Variants in PACC1 observed in about 807,000 individuals in gnomAD.
PACC1 encodes the protein proton activated chloride channel 1.
In PACC1, 34 loss-of-function variants were observed where a neutral mutation model predicts 39.7. The observed-to-expected ratio is 0.86, with a 90% CI of 0.65 to 1.14. The LOEUF (loss-of-function observed/expected upper bound fraction) is 1.14. Among genes scored for constraint, PACC1 ranks in the 50% most tolerant of loss-of-function variants. The pLI, the probability that PACC1 is intolerant of heterozygous loss-of-function variation, is 0.00. For synonymous variants in PACC1, 127 were observed against 160.6 expected, an observed-to-expected ratio of 0.79 and a Z score of 1.58; for missense variants, 379 against 436.4, an observed-to-expected ratio of 0.87 and a Z score of 1.17.
chr1:212,405,426 T>C (rs528832175), intron 2 of PACC1, among the ~76,000 whole-genome samples: 3 of 152,340 alleles, frequency 2.0e-5, no homozygotes, highest in East Asian at 1.9e-4. Flanking sequence ...CTGTGTTAAC[T>C]GTTACAAAGG....
intron 2 of PACC1, among the ~76,000 whole-genome samples, chr1:212,405,348 G>C (rs1661869846): frequency 6.6e-6 from 1 of 152,208 alleles, no homozygotes; most frequent in Admixed American, 6.5e-5. Flanking sequence ...CACAGAACTT[G>C]TAGGGCAGTG....
intron 2 of PACC1, among the ~76,000 whole-genome samples, chr1:212,389,164 C>A (rs1661212522): frequency 6.6e-6 from 1 of 152,152 alleles, no homozygotes; most frequent in African/African-American, 2.4e-5. Flanking sequence ...ACATGCCAAT[C>A]CCTATAAGGC....
rs892427828 is a variant in PACC1, at chr1:212,364,906, A to G, written c.*309T>C. ...AGTAGAGCTTAACCTAATACAATAC[A>G]ATGAACCAAACAGGAAGAAAGGCAT... is the stretch of plus-strand genomic sequence containing the variant. On this transcript the variant is annotated 3_prime_UTR_variant, in exon 8 of 8. Coordinates refer to ENST00000261455, the MANE Select transcript of PACC1 (RefSeq NM_018252.3). 15 of 174,754 alleles carry G rather than the reference A, an allele frequency of 8.6e-5. No homozygotes were observed. Among genetic ancestry groups the G allele is most frequent in the African/African-American group, 1.4e-4 (6 of 42,164 alleles). The allele number at this position is 174,754 out of a possible 1,614,324, so 10.8% of individuals were successfully genotyped here.
intron 7 of PACC1, among the ~76,000 whole-genome samples, chr1:212,372,105 T>C (rs1159307021): frequency 6.6e-6 from 1 of 151,748 alleles, no homozygotes; most frequent in Non-Finnish European, 1.5e-5. Context: ...GCCAACATGG[T>C]GAAACCTCAT....
intron 7 of PACC1, among the ~76,000 whole-genome samples, chr1:212,366,025 C>T (rs1435509113): frequency 6.6e-6 from 1 of 152,164 alleles, no homozygotes; most frequent in Non-Finnish European, 1.5e-5. Flanking sequence ...GCCTCCAGTC[C>T]TCTGCTCTTT....
At chr1:212,370,858 C>T (rs1660425443) in intron 7 of PACC1, among the ~76,000 whole-genome samples, 1 of 152,088 alleles carries the variant, frequency 6.6e-6, no homozygotes, top group Non-Finnish European at 1.5e-5. Flanking sequence ...AATAAGCTAA[C>T]GATCACCTCA....
chr1:212,382,124 C>T (rs1490524746), intron 4 of PACC1, among the ~76,000 whole-genome samples: 4 of 151,928 alleles, frequency 2.6e-5, no homozygotes, highest in South Asian at 4.2e-4. Context: ...CTGCAAGCTC[C>T]GCCTCCCGGG....
intron 7 of PACC1, among the ~76,000 whole-genome samples, chr1:212,372,294 A>C (rs201650609): frequency 1.2e-4 from 17 of 140,254 alleles, no homozygotes; most frequent in East Asian, 4.1e-4. Context: ...AAAAAAAAAA[A>C]CAAAAAACAA....
rs74138135 is a variant in PACC1 at position 212,385,258 on chromosome 1, G to C, written c.495+16C>G. The C allele has an allele frequency of 1.5e-3, 2,375 of 1,613,670 alleles. 32 individuals carry two copies. The African/African-American group carries it at 0.028, about 19-fold the overall frequency. On this transcript the variant is annotated intron_variant, in intron 4 of 7. Transcript: ENST00000261455. ...AGAGCAGCTGCCCAGACCCAGCTCA[G>C]GCAGACAGGAATTACCACAGTCTGA...
chr1:212,382,893 A>G (rs1382202221), intron 4 of PACC1, among the ~76,000 whole-genome samples: 2 of 152,196 alleles, frequency 1.3e-5, no homozygotes, highest in Non-Finnish European at 2.9e-5. Flanking sequence ...GAGGGCAGCA[A>G]CAGGTTCAAA....
At chr1:212,379,750 G>A in intron 5 of PACC1, 145 bp downstream of exon 5, 2 of 961,382 alleles carry the variant, frequency 2.1e-6, no homozygotes, top group Middle Eastern at 2.9e-4. Context: ...CCAAGCTCAT[G>A]AGGTCCCTTC....
At chr1:212,413,883 T>C (rs1262658805) in intron 1 of PACC1, 12 of 1,528,574 alleles carry the variant, frequency 7.9e-6, no homozygotes, top group Non-Finnish European at 1.0e-5. Context: ...GGACACAAAC[T>C]GGAGGAGGAC....
chr1:212,364,201 C>G lies in PACC1; in HGVS notation c.*1014G>C, dbSNP rs1205599981. 1 of 152,118 alleles carries G rather than the reference C, an allele frequency of 6.6e-6. No homozygotes were observed. Among genetic ancestry groups the G allele is most frequent in the Non-Finnish European group, 1.5e-5 (1 of 68,024 alleles). 9.4% of individuals were successfully genotyped at this position (152,118 alleles called of 1,614,324 possible). A position where few individuals can be genotyped will look rare whatever the true frequency, so the allele number is the denominator to read the frequency against. On this transcript the variant is annotated 3_prime_UTR_variant, in exon 8 of 8. Coordinates refer to ENST00000261455, the MANE Select transcript of PACC1 (RefSeq NM_018252.3). ...TAGGCTAAAAGCTTTTTGAGGGTCA[C>G]ACTGCGTATGCCCCTTCCTCATATG...
intron 2 of PACC1, among the ~76,000 whole-genome samples, chr1:212,392,073 A>G (rs903402643): frequency 1.3e-5 from 2 of 152,202 alleles, no homozygotes; most frequent in African/African-American, 2.4e-5. Context: ...CCAACATTCA[A>G]ATTCAGGAAA....
chr1:212,397,156 G>A (rs1661557680), intron 2 of PACC1, among the ~76,000 whole-genome samples: 1 of 151,976 alleles, frequency 6.6e-6, no homozygotes, highest in Admixed American at 6.6e-5. Flanking sequence ...TGTTAAATAA[G>A]TGAGTAAAAC....
intron 3 of PACC1, among the ~76,000 whole-genome samples, 173 bp from the exon 4 acceptor site, chr1:212,385,598 C>A (rs754903714): frequency 6.6e-6 from 1 of 152,118 alleles, no homozygotes; most frequent in Non-Finnish European, 1.5e-5. Flanking sequence ...CCTCAGAAAG[C>A]CCCGCTGTAG....
chr1:212,369,124 T>G (rs965700152), intron 7 of PACC1, among the ~76,000 whole-genome samples: 4 of 152,170 alleles, frequency 2.6e-5, no homozygotes, highest in Non-Finnish European at 4.4e-5. Flanking sequence ...TAAAAGTTTT[T>G]TGTTTCTTTG....
Position 212,366,496 on chromosome 1 carries a change from T to G in PACC1, c.892-1120A>C, listed in dbSNP as rs188757724. Among the ~76,000 whole-genome samples the G allele has an allele frequency of 5.1e-3, 778 of 152,026 alleles. 3 individuals are homozygous for G. Among genetic ancestry groups the G allele is most frequent in the African/African-American group, 0.018 (746 of 41,448 alleles). Reference sequence around the variant, plus strand: ...TTTGTATTTTTAGTAGAGACGGGGTTTCACCATGTTGGCCAGGATGGTCTC... The same window carrying G: ...TTTGTATTTTTAGTAGAGACGGGGTGTCACCATGTTGGCCAGGATGGTCTC... On this transcript the variant is annotated intron_variant, in intron 7 of 7. Coordinates refer to ENST00000261455, the MANE Select transcript of PACC1 (RefSeq NM_018252.3).
At position 212,380,045 on chromosome 1, in the gene PACC1, G is replaced by C. The variant is rs367760446; in HGVS notation, c.496-8C>G. ...GACAATCAGGGCAGATTTCTGCAGAGAGAAAAAGGACAGAGTCTCAGTCCT... is the reference window on the plus strand; with the variant it reads ...GACAATCAGGGCAGATTTCTGCAGACAGAAAAAGGACAGAGTCTCAGTCCT... On this transcript the variant is annotated splice_region_variant and splice_polypyrimidine_tract_variant and intron_variant, in intron 4 of 7. Transcript: ENST00000261455. 2 of 1,612,830 alleles carry C rather than the reference G, an allele frequency of 1.2e-6. No homozygotes were observed. The highest frequency in any genetic ancestry group is 1.1e-5 in the South Asian group (1 of 91,002).
Sources: allele counts gnomAD v4.1 joint callset (sites outside exome capture counted in the v4.1 genomes callset), GRCh38; gene constraint gnomAD v4.1.1; transcripts MANE v1.5; gene names NCBI Gene and HGNC (gene_info 2026-07-23, HGNC 2026-07-21).